Variants in GALNT8 observed in about 807,000 individuals in gnomAD.
The protein encoded by GALNT8 is polypeptide N-acetylgalactosaminyltransferase 8, also known as probable polypeptide N-acetylgalactosaminyltransferase 8.
Under a neutral mutation model 62.7 loss-of-function variants are expected in GALNT8, and 66 were observed. The ratio of observed to expected loss-of-function variants is 1.05; its 90% CI spans 0.86 to 1.29. The LOEUF is 1.29. Ranked by LOEUF, GALNT8 falls within the 50% of genes most tolerant of loss-of-function variation. GALNT8 has a pLI of 0.00. For missense variants in GALNT8, 771 were observed against 791.8 expected (o/e 0.97, Z 0.32); for synonymous variants, 288 against 294.3 (o/e 0.98, Z 0.22).
At chr12:4,771,879 A>G (rs7973527) in intron 10 of GALNT8, among the ~76,000 whole-genome samples, 1 of 151,966 alleles carries the variant, frequency 6.6e-6, no homozygotes, top group Non-Finnish European at 1.5e-5. Context: ...TCGTATGTGG[A>G]AGAGCAAGGA....
chr12:4,726,864 C>T lies in GALNT8; in HGVS notation c.509+35C>T, dbSNP rs376430156. The T allele has an allele frequency of 2.2e-5, 34 of 1,553,328 alleles. No individual in the cohort carries two copies. Among genetic ancestry groups the T allele is most frequent in the Admixed American group, 3.6e-5 (2 of 54,940 alleles). On this transcript the variant is annotated intron_variant, in intron 2 of 10. Transcript: ENST00000252318. This position sits in a 1 kb window ranked among gnomAD's most constrained non-coding sequence, Gnocchi z 4.1. ...ACCAGGCTTGGGCTTCTAGGGTCCT[C>T]AGTTTGATTTGAGGATGAGCTTTGG...
chr12:4,723,412 C>T (rs770551759), intron 1 of GALNT8, among the ~76,000 whole-genome samples: 82 of 152,158 alleles, frequency 5.4e-4, no homozygotes, highest in Admixed American at 4.6e-4. Context: ...GTGACCCCAG[C>T]ACCACCCTCA....
Position 4,749,323 on chromosome 12 carries a change from T to C in GALNT8, c.1173+3065T>C, listed in dbSNP as rs546465952. On this transcript the variant is annotated intron_variant, in intron 6 of 10. Coordinates refer to ENST00000252318, the MANE Select transcript of GALNT8 (RefSeq NM_017417.2). The surrounding 1 kb of genome is among the most constrained non-coding windows in gnomAD (Gnocchi z 4.1). ...AGGCTTTCAGTTATGTTAAGGTATG[T>C]TTCTTCTATACTTAGTTTTTTGAGG... 9.9e-5 allele frequency among the ~76,000 whole-genome samples: 15 copies of C among 152,234 alleles called. No individual in the cohort carries two copies. The highest frequency in any genetic ancestry group is 3.4e-4 in the African/African-American group (14 of 41,566).
intron 6 of GALNT8, among the ~76,000 whole-genome samples, chr12:4,747,690 AT>A (rs1245556128): frequency 6.6e-6 from 1 of 152,184 alleles, no homozygotes; most frequent in Non-Finnish European, 1.5e-5. Context: ...GAGTGCAGAT[AT>A]CTCTTTGATT....
rs576017644 is a variant in GALNT8 at position 4,772,479 on chromosome 12, G to A, written c.1796G>A (p.Cys599Tyr). 14 of 1,613,632 alleles carry A rather than the reference G, an allele frequency of 8.7e-6. No individual in the cohort carries two copies. The Admixed American group carries it at 1.5e-4, about 17-fold the overall frequency. Residue 599 changes from cysteine (C) to tyrosine (Y), a missense_variant, in exon 11 of 11, where the codon TGT becomes TAT. Physicochemically the swap from Cys to Tyr is radical, Grantham distance 194. Coordinates refer to ENST00000252318, the MANE Select transcript of GALNT8 (RefSeq NM_017417.2). ...GTCATAAACAGAGATACCAAGCGGTGTCTGGAGATGAAGAAGGATCTTTTG... is the reference window on the plus strand; with the variant it reads ...GTCATAAACAGAGATACCAAGCGGTATCTGGAGATGAAGAAGGATCTTTTG... ...GAVINRDTKR[C>Y]LEMKKDLLGS...
chr12:4,742,836 C>A (rs1434161129), intron 3 of GALNT8, among the ~76,000 whole-genome samples: 1 of 151,996 alleles, frequency 6.6e-6, no homozygotes, highest in African/African-American at 2.4e-5. Context: ...GGGGAGGAGA[C>A]CGGTAGGAGG....
At position 4,771,006 on chromosome 12, in the gene GALNT8, G is replaced by A. The variant is rs571805129; in HGVS notation, c.1762-1439G>A. 4.8e-4 allele frequency among the ~76,000 whole-genome samples: 73 copies of A among 152,312 alleles called. 1 individual carries two copies. The highest frequency in any genetic ancestry group is 2.6e-3 in the Admixed American group (40 of 15,304). On this transcript the variant is annotated intron_variant, in intron 10 of 10. Transcript: ENST00000252318. The stretch of plus-strand genomic sequence containing the variant: ...AGGGGGGCTGCTGGCGGGTGAGGCG[G>A]GCATGGGGCCGCTCTTTTGAGATCA...
chr12:4,723,000 TGG>T (rs1464951717), intron 1 of GALNT8, among the ~76,000 whole-genome samples: 2 of 151,572 alleles, frequency 1.3e-5, no homozygotes, highest in African/African-American at 4.9e-5. Flanking sequence ...GAAAGTGTGA[TGG>T]GAGAGAAGGA....
At chr12:4,768,872 A>G (rs955195176) in intron 10 of GALNT8, among the ~76,000 whole-genome samples, 2 of 152,204 alleles carry the variant, frequency 1.3e-5, no homozygotes, top group Non-Finnish European at 2.9e-5. Flanking sequence ...AAATTAATTT[A>G]CTAAAAAGTT....
At chr12:4,750,232 T>A (rs1565386722) in intron 6 of GALNT8, among the ~76,000 whole-genome samples, 1 of 152,128 alleles carries the variant, frequency 6.6e-6, no homozygotes, top group Non-Finnish European at 1.5e-5. Flanking sequence ...AGGTTTGTTA[T>A]ATCAGTAAAC....
chr12:4,748,598 G>C (rs533463290), intron 6 of GALNT8, among the ~76,000 whole-genome samples: 18 of 151,616 alleles, frequency 1.2e-4, no homozygotes, highest in Middle Eastern at 3.2e-3. Flanking sequence ...TTTTATGCTC[G>C]TACCATGCTG....
chr12:4,759,696 T>C (rs1015360015), intron 6 of GALNT8, among the ~76,000 whole-genome samples: 1 of 152,096 alleles, frequency 6.6e-6, no homozygotes, highest in Non-Finnish European at 1.5e-5. Flanking sequence ...ATAAGTTAAC[T>C]GAACCGCCGT....
In GALNT8 at chr12:4,765,558, GT is replaced by G. The variant is rs756787333; in HGVS notation, c.1761+17del. The G allele has an allele frequency of 7.6e-6, 12 of 1,588,730 alleles. No homozygotes were observed. The highest frequency in any genetic ancestry group is 9.5e-6 in the Non-Finnish European group (11 of 1,162,662). ...GGGATTTTAAACCGGTGAGTTATGT[GT>G]TTTTGTTTGTTGGTTTGTTTGTTTT... On this transcript the variant is annotated intron_variant, in intron 10 of 10. Coordinates refer to ENST00000252318, the MANE Select transcript of GALNT8 (RefSeq NM_017417.2).
rs185181014 is a variant in GALNT8 at position 4,733,093 on chromosome 12, A to G, written c.510-6070A>G. ...TACTTTTTCAGTATCTTCTGCTGCA[A>G]TGTTCAATATGATAGCTACTAGTCA... On this transcript the variant is annotated intron_variant, in intron 2 of 10. Transcript: ENST00000252318. Among the ~76,000 whole-genome samples the G allele has an allele frequency of 5.3e-5, 8 of 152,168 alleles. No individual in the cohort carries two copies. In the East Asian group the frequency reaches 1.2e-3, roughly 22 times the overall value.
intron 2 of GALNT8, among the ~76,000 whole-genome samples, chr12:4,736,005 C>T (rs1347368954): frequency 1.3e-5 from 2 of 152,146 alleles, no homozygotes; most frequent in African/African-American, 2.4e-5. Flanking sequence ...CTCCATAATA[C>T]TAGTAGCAAC....
intron 2 of GALNT8, among the ~76,000 whole-genome samples, chr12:4,729,835 A>G (rs957682297): frequency 2.0e-5 from 3 of 152,200 alleles, no homozygotes; most frequent in African/African-American, 4.8e-5. Flanking sequence ...ACTAATTTAC[A>G]TTCCCACTAA....
At chr12:4,764,530 ATTTTTTTTTTTTTTTTTTT>A (rs58809573) in intron 9 of GALNT8, among the ~76,000 whole-genome samples, 9 of 102,250 alleles carry the variant, frequency 8.8e-5, no homozygotes, top group African/African-American at 3.6e-4. Flanking sequence ...CAGTCAGGGG[ATTTTTTTTTTTTTTTTTTT>A]TTTTTTTTTT....
At chr12:4,738,370 C>T (rs1055720833) in intron 2 of GALNT8, among the ~76,000 whole-genome samples, 2 of 152,236 alleles carry the variant, frequency 1.3e-5, no homozygotes, top group East Asian at 3.9e-4. Flanking sequence ...GCAAGAGTTT[C>T]TTAGGTATGA....
chr12:4,762,250 TC>T (rs1354720176), intron 7 of GALNT8, among the ~76,000 whole-genome samples: 4 of 152,114 alleles, frequency 2.6e-5, no homozygotes, highest in African/African-American at 9.7e-5. Flanking sequence ...ATTGTGACTG[TC>T]CCAAGCTGTA....
Sources: gnomAD v4.1 joint callset for allele counts (sites outside exome capture counted in the v4.1 genomes callset) on GRCh38, gnomAD v4.1.1 for gene constraint, Gnocchi (gnomAD v3.1) non-coding constraint, MANE v1.5 for transcripts, NCBI Gene and HGNC (gene_info 2026-07-23, HGNC 2026-07-21) for gene names.